The following NLRP5 variants were observed in gnomAD, a reference collection of about 807,000 sequenced individuals.
NLRP5 encodes NLR family pyrin domain containing 5.
Under a neutral mutation model 113.1 loss-of-function variants are expected in NLRP5, and 93 were observed. The ratio of observed to expected loss-of-function variants is 0.82; its 90% CI spans 0.70 to 0.98. The LOEUF (loss-of-function observed/expected upper bound fraction) is 0.98. NLRP5 is among the 50% of genes least tolerant of loss of function. The pLI is 0.00. For missense variants in NLRP5, 1,808 were observed against 1,514.3 expected (o/e 1.19, Z -3.22); for synonymous variants, 751 against 600.7 (o/e 1.25, Z -3.66).
chr19:55,988,442 G>GTATATATAA, the NLRP5 span: 1 of 103,758 alleles, frequency 9.6e-6, no homozygotes, highest in African/African-American at 3.9e-5. Flanking sequence ...ATATGTGTGT[G>GTATATATAA]TGTATATATA....
At chr19:55,999,698 T>C, upstream of NLRP5, 1 of 1,560,968 alleles carries the variant, frequency 6.4e-7, no homozygotes, top group South Asian at 1.1e-5. Context: ...GCCTTCGATG[T>C]TCAGTTACTT....
At chr19:56,060,778 A>C (rs1984324314) in intron 14 of NLRP5, among the ~76,000 whole-genome samples, 1 of 152,154 alleles carries the variant, frequency 6.6e-6, no homozygotes, top group Non-Finnish European at 1.5e-5. Context: ...GTTATCAAGC[A>C]AAAGTGGCTC....
intron 6 of NLRP5, among the ~76,000 whole-genome samples, chr19:56,023,518 C>G (rs1428083703): frequency 6.6e-6 from 1 of 152,200 alleles, no homozygotes; most frequent in African/African-American, 2.4e-5. Flanking sequence ...TTGCTACATG[C>G]TGAGCGGTGC....
intron 4 of NLRP5, among the ~76,000 whole-genome samples, chr19:56,017,780 G>A (rs1250516144): frequency 2.6e-5 from 4 of 152,118 alleles, no homozygotes; most frequent in African/African-American, 9.7e-5. Flanking sequence ...TCGGTAAATA[G>A]CGTCACTATG....
chr19:56,029,871 A>G (rs951054125), intron 7 of NLRP5, among the ~76,000 whole-genome samples: 2 of 151,634 alleles, frequency 1.3e-5, no homozygotes, highest in African/African-American at 4.8e-5. Context: ...CCTGGCCAAC[A>G]TAGTGAAACC....
Position 56,058,301 on chromosome 19 carries a change from A to G in NLRP5, c.3361A>G (p.Asn1121Asp). ...GGCACTCTCCTTGGCCCTTTCCTGC[A>G]ACCGGCATCTGACCAGTCTAAACCT... The change falls in exon 14 of 15, where the codon AAC becomes GAC. Residue 1121 changes from asparagine to aspartate, a missense_variant. Asn to Asp is a conservative substitution (Grantham distance 23). Transcript: ENST00000390649. 6.2e-7 allele frequency: 1 copy of G among 1,614,018 alleles called. No individual in the cohort carries two copies. The highest frequency in any genetic ancestry group is 8.5e-7 in the Non-Finnish European group (1 of 1,179,876).
At chr19:56,024,362 A>AT (rs1982730565) in intron 6 of NLRP5, among the ~76,000 whole-genome samples, 7 of 140,626 alleles carry the variant, frequency 5.0e-5, no homozygotes, top group South Asian at 2.4e-4. Context: ...AAAAAGAACA[A>AT]ATATATATAT....
chr19:56,034,789 C>T (rs1983251506), intron 9 of NLRP5, among the ~76,000 whole-genome samples: 1 of 151,968 alleles, frequency 6.6e-6, no homozygotes. Flanking sequence ...TGGAGTACCA[C>T]AGTTTAACCA....
the NLRP5 span, among the ~76,000 whole-genome samples, chr19:55,991,776 T>A: frequency 6.6e-6 from 1 of 152,224 alleles, no homozygotes. Flanking sequence ...TCCTATCAAA[T>A]ATAAATTAGG....
intron 11 of NLRP5, among the ~76,000 whole-genome samples, chr19:56,045,899 T>C (rs1243063771): frequency 2.6e-5 from 4 of 152,148 alleles, no homozygotes; most frequent in African/African-American, 9.7e-5. Context: ...GCTAGCTGTT[T>C]TTCTTCTGTG....
At chr19:56,006,949 C>T (rs1202073876) in intron 2 of NLRP5, among the ~76,000 whole-genome samples, 4 of 151,088 alleles carry the variant, frequency 2.6e-5, no homozygotes, top group Non-Finnish European at 4.4e-5. Flanking sequence ...CCTTGTTAGC[C>T]AGGATGGTCT....
chr19:56,046,411 T>TGTGTGTGTGTGTGA (rs1290658270), intron 11 of NLRP5, among the ~76,000 whole-genome samples: 1 of 149,870 alleles, frequency 6.7e-6, no homozygotes, highest in Non-Finnish European at 1.5e-5. Context: ...TGTGTGTGTG[T>TGTGTGTGTGTGTGA]GTGTGTGTGT....
intron 3 of NLRP5, among the ~76,000 whole-genome samples, chr19:56,009,965 T>C (rs1180641643): frequency 6.6e-6 from 1 of 152,200 alleles, no homozygotes; most frequent in Non-Finnish European, 1.5e-5. Flanking sequence ...GAGTGTGACA[T>C]GTTATCCTTC....
chr19:56,028,154 G>T lies in NLRP5; in HGVS notation c.1921G>T (p.Val641Leu), dbSNP rs548549332. Residue 641 changes from valine (V) to leucine (L), a missense_variant, in exon 7 of 15, where the codon GTG becomes TTG. Coordinates refer to ENST00000390649, the MANE Select transcript of NLRP5 (RefSeq NM_153447.4). Reference sequence around the variant, plus strand: ...GATGAAGCGTTTCTTGTTTGGCCTCGTGAGCGAAGACGTAAGGAGGCCACT... The same window carrying T: ...GATGAAGCGTTTCTTGTTTGGCCTCTTGAGCGAAGACGTAAGGAGGCCACT... 7.4e-5 allele frequency: 119 copies of T among 1,613,860 alleles called. No homozygotes were observed. The highest frequency in any genetic ancestry group is 9.6e-5 in the Non-Finnish European group (113 of 1,179,900).
Position 56,055,699 on chromosome 19 carries a change from C to G in NLRP5, c.3299+1891C>G, listed in dbSNP as rs187322085. On this transcript the variant is annotated intron_variant, in intron 13 of 14. Transcript: ENST00000390649. Reference sequence around the variant, plus strand: ...TAGCTGGGACTACAGGTGCCCGCCACCACGCCCGGCTAATTTTTTGTATTT... The same window carrying G: ...TAGCTGGGACTACAGGTGCCCGCCAGCACGCCCGGCTAATTTTTTGTATTT... 6.5e-4 allele frequency among the ~76,000 whole-genome samples: 99 copies of G among 151,776 alleles called. 1 individual carries two copies. The East Asian group carries it at 0.018, about 28-fold the overall frequency.
chr19:56,010,177 A>G (rs1365546966), intron 3 of NLRP5, among the ~76,000 whole-genome samples: 2 of 151,562 alleles, frequency 1.3e-5, no homozygotes. Context: ...CACTTGGATC[A>G]CGCACCGTGC....
At chr19:55,993,254 C>T in the NLRP5 span, among the ~76,000 whole-genome samples, 77 of 151,638 alleles carry the variant, frequency 5.1e-4, no homozygotes, top group Non-Finnish European at 9.7e-4. Flanking sequence ...GTCCTCCCTT[C>T]TAGCTTTTTG....
the NLRP5 span, among the ~76,000 whole-genome samples, chr19:55,986,870 C>T: frequency 6.6e-6 from 1 of 152,176 alleles, no homozygotes; most frequent in Non-Finnish European, 1.5e-5. Flanking sequence ...TTTTGTTCTC[C>T]ACTGCTGATT....
rs1599879726 is a variant in NLRP5, at chr19:56,008,164, G to A, written c.443-624G>A. ...AGGATGGTCTCGATCTCCTGACCTC[G>A]TGATCCACCTGCCTCAGCCTCCTAA... On this transcript the variant is annotated intron_variant, in intron 2 of 14. Coordinates refer to ENST00000390649, the MANE Select transcript of NLRP5 (RefSeq NM_153447.4). 2.0e-5 allele frequency among the ~76,000 whole-genome samples: 3 copies of A among 151,662 alleles called. 1 individual carries two copies. The highest frequency in any genetic ancestry group is 2.0e-4 in the Admixed American group (3 of 15,176).
Sources: gnomAD v4.1 joint callset for allele counts (sites outside exome capture counted in the v4.1 genomes callset) on GRCh38, gnomAD v4.1.1 for gene constraint, MANE v1.5 for transcripts, NCBI Gene and HGNC (gene_info 2026-07-23, HGNC 2026-07-21) for gene names.